NT5C2: variants seen among roughly 807,000 people sequenced by gnomAD.
NT5C2 encodes the protein cytosolic purine 5'-nucleotidase.
A neutral mutation model predicts 76.1 loss-of-function variants in NT5C2; 58 were observed. The ratio of observed to expected loss-of-function variants is 0.76; its 90% CI spans 0.62 to 0.95. The LOEUF (loss-of-function observed/expected upper bound fraction) is 0.95. NT5C2 is among the 40% of genes least tolerant of loss of function. NT5C2 has a pLI of 0.00. For missense variants in NT5C2, 478 were observed against 690.3 expected (o/e 0.69, Z 3.45); for synonymous variants, 229 against 237.4 (o/e 0.96, Z 0.32).
At position 103,169,068 on chromosome 10, in the gene NT5C2, T is replaced by C. The variant is rs187087960; in HGVS notation, c.101+5790A>G. 1.6e-3 allele frequency among the ~76,000 whole-genome samples: 246 copies of C among 152,248 alleles called. 6 individuals carry two copies. Among genetic ancestry groups the C allele is most frequent in the Non-Finnish European group, 2.9e-4 (20 of 68,012 alleles). ...TGTTAGGAGATACAAGTCTGATGAC[T>C]ACATCATGATGAGTACAGATAATAA... On this transcript the variant is annotated intron_variant, in intron 3 of 18. Coordinates refer to ENST00000404739, the MANE Select transcript of NT5C2 (RefSeq NM_001351169.2).
chr10:103,120,914 G>A (rs1355058073), intron 4 of NT5C2, among the ~76,000 whole-genome samples: 1 of 152,090 alleles, frequency 6.6e-6, no homozygotes, highest in African/African-American at 2.4e-5. Flanking sequence ...ATCAACAGAT[G>A]AACAGATAAA....
chr10:103,109,535 C>G (rs1590907391), intron 4 of NT5C2, among the ~76,000 whole-genome samples: 1 of 152,146 alleles, frequency 6.6e-6, no homozygotes, highest in African/African-American at 2.4e-5. Context: ...AAATAAAGTT[C>G]CAGTATAGCT....
In NT5C2 at chr10:103,106,655, C is replaced by T. The variant is rs773823085; in HGVS notation, c.227G>A (p.Arg76Lys). ...ESLGFELTVERLVSIGYPQEL... is the reference protein window; with the variant it reads ...ESLGFELTVEKLVSIGYPQEL... The stretch of plus-strand genomic sequence containing the variant: ...CTGGGGATAGCCAATAGAAACTAAT[C>T]TCTCCACAGTAAGCTCAAAACCAAG... Residue 76 changes from arginine (R) to lysine (K), a missense_variant, in exon 5 of 19, where the codon AGA becomes AAA. By Grantham distance (26) the Arg-to-Lys change is conservative. Coordinates refer to ENST00000404739, the MANE Select transcript of NT5C2 (RefSeq NM_001351169.2). 1 of 1,613,884 alleles carries T rather than the reference C, an allele frequency of 6.2e-7. No homozygotes were observed. The highest frequency in any genetic ancestry group is 8.5e-7 in the Non-Finnish European group (1 of 1,179,810).
In NT5C2 at chr10:103,174,983, C is replaced by T. The variant is rs759086548; in HGVS notation, c.-24-1G>A. 2 of 1,470,450 alleles carry T rather than the reference C, an allele frequency of 1.4e-6. No homozygotes were observed. The highest frequency in any genetic ancestry group is 4.5e-5 in the East Asian group (2 of 44,190). 91.1% of individuals were successfully genotyped at this position (1,470,450 alleles called of 1,614,324 possible). A position where few individuals can be genotyped will look rare whatever the true frequency, so the allele number is the denominator to read the frequency against. ...TTTTATTTTAACTGTATTTTGTATT[C>T]TAGAAAAGAAAATCATTAATTTAGT... On this transcript the variant is annotated splice_acceptor_variant, in intron 2 of 18. Coordinates refer to ENST00000404739, the MANE Select transcript of NT5C2 (RefSeq NM_001351169.2). LOFTEE classifies it low-confidence loss of function (5UTR_SPLICE).
At chr10:103,136,598 T>A (rs1393044138) in intron 4 of NT5C2, among the ~76,000 whole-genome samples, 2 of 151,656 alleles carry the variant, frequency 1.3e-5, no homozygotes, top group Non-Finnish European at 2.9e-5. Flanking sequence ...TAAGGTGCAT[T>A]AAAGTTTAGA....
intron 2 of NT5C2, 22 bp downstream of exon 2, chr10:103,181,163 C>T (rs1425913869): frequency 6.6e-6 from 1 of 151,912 alleles, no homozygotes; most frequent in Admixed American, 6.6e-5. Flanking sequence ...TTATTATATA[C>T]TCTGTGCAAC....
intron 3 of NT5C2, among the ~76,000 whole-genome samples, chr10:103,160,222 T>C (rs1397397632): frequency 6.6e-6 from 1 of 152,078 alleles, no homozygotes; most frequent in Non-Finnish European, 1.5e-5. Flanking sequence ...CCCTATCTTA[T>C]ATAATAACAA....
At position 103,097,307 on chromosome 10, in the gene NT5C2, T is replaced by C; in HGVS notation, c.755A>G (p.Asp252Gly). 6.2e-7 allele frequency: 1 copy of C among 1,612,944 alleles called. No homozygotes were observed. Among genetic ancestry groups the C allele is most frequent in the East Asian group, 2.2e-5 (1 of 44,796 alleles). ...VGKVFLATNSDYKYTDKIMTY... is the reference protein window; with the variant it reads ...VGKVFLATNSGYKYTDKIMTY... ...AGCACTTACATCTGTATATTTATAG[T>C]CACTGTTGGTAGCAAGAAATACTTT... Residue 252 changes from aspartate (D) to glycine (G), a missense_variant, in exon 11 of 19, where the codon GAC becomes GGC. Transcript: ENST00000404739.
chr10:103,164,107 T>G (rs1028763730), intron 3 of NT5C2, among the ~76,000 whole-genome samples: 5 of 151,966 alleles, frequency 3.3e-5, no homozygotes, highest in Non-Finnish European at 7.4e-5. Flanking sequence ...TAGCTAGGTG[T>G]GGTGGTGTGC....
chr10:103,125,737 G>A (rs2076537228), intron 4 of NT5C2, among the ~76,000 whole-genome samples: 1 of 152,068 alleles, frequency 6.6e-6, no homozygotes, highest in African/African-American at 2.4e-5. Context: ...AACAAGCACT[G>A]AACAGCCTGA....
intron 3 of NT5C2, among the ~76,000 whole-genome samples, chr10:103,158,194 G>A (rs977157622): frequency 6.6e-6 from 1 of 151,836 alleles, no homozygotes; most frequent in Non-Finnish European, 1.5e-5. Context: ...ACGAAAAAAA[G>A]GACATAACAA....
In NT5C2 at chr10:103,132,277, A is replaced by G. The variant is rs542277251; in HGVS notation, c.175+7129T>C. Among the ~76,000 whole-genome samples the G allele has an allele frequency of 3.3e-5, 5 of 152,274 alleles. No individual in the cohort carries two copies. In the South Asian group the frequency reaches 1.0e-3, roughly 32 times the overall value. On this transcript the variant is annotated intron_variant, in intron 4 of 18. Transcript: ENST00000404739. ...AAAAGTGTCATAGCAATGAAAGAGA[A>G]GACTTAGGAACAATCACAGATTAGA...
intron 1 of NT5C2, among the ~76,000 whole-genome samples, chr10:103,185,094 C>T (rs531528321): frequency 6.6e-6 from 1 of 152,266 alleles, no homozygotes; most frequent in South Asian, 2.1e-4. Flanking sequence ...TCTACATCAA[C>T]ACATTAAGGC....
Position 103,088,997 on chromosome 10 carries a change from A to T in NT5C2, c.*675T>A, listed in dbSNP as rs559510652. 1 of 210,300 alleles carries T rather than the reference A, an allele frequency of 4.8e-6. No individual in the cohort carries two copies. The highest frequency in any genetic ancestry group is 1.9e-4 in the South Asian group (1 of 5,334). The allele number at this position is 210,300 out of a possible 1,614,324, so 13.0% of individuals were successfully genotyped here. On this transcript the variant is annotated 3_prime_UTR_variant, in exon 19 of 19. Coordinates refer to ENST00000404739, the MANE Select transcript of NT5C2 (RefSeq NM_001351169.2). ...GATAAGAAGGAGGTTGTTTTTGGAT[A>T]ACAAATAAGCATTTGTGCTATTAAA...
At chr10:103,111,548 T>C (rs765988048) in intron 4 of NT5C2, among the ~76,000 whole-genome samples, 20 of 152,148 alleles carry the variant, frequency 1.3e-4, no homozygotes, top group Admixed American at 3.9e-4. Context: ...TCATACAAGA[T>C]AGAATACATA....
chr10:103,163,504 T>C (rs923225785), intron 3 of NT5C2, among the ~76,000 whole-genome samples: 1 of 152,222 alleles, frequency 6.6e-6, no homozygotes, highest in South Asian at 2.1e-4. Context: ...CTTTAATTTT[T>C]ATCTTCCTAA....
intron 4 of NT5C2, among the ~76,000 whole-genome samples, chr10:103,115,835 A>AAT (rs912215862): frequency 5.9e-5 from 9 of 152,012 alleles, no homozygotes; most frequent in Admixed American, 3.3e-4. Context: ...TTTCATATGT[A>AAT]ATATATATAT....
At chr10:103,137,211 A>G (rs2079458586) in intron 4 of NT5C2, among the ~76,000 whole-genome samples, 1 of 137,560 alleles carries the variant, frequency 7.3e-6, no homozygotes, top group Non-Finnish European at 1.6e-5. Context: ...TCTTGAAAGA[A>G]GAGACTATAG....
chr10:103,166,075 G>C (rs1221314793), intron 3 of NT5C2, among the ~76,000 whole-genome samples: 3 of 152,258 alleles, frequency 2.0e-5, no homozygotes, highest in African/African-American at 7.2e-5. Flanking sequence ...CCTTCACACA[G>C]TGTCCCCCAA....
Sources: gnomAD v4.1 joint callset for allele counts (sites outside exome capture counted in the v4.1 genomes callset) on GRCh38, gnomAD v4.1.1 for gene constraint, MANE v1.5 for transcripts, NCBI Gene and HGNC (gene_info 2026-07-23, HGNC 2026-07-21) for gene names.